FOXK2: variants seen among roughly 807,000 people sequenced by gnomAD.
The protein encoded by FOXK2 is forkhead box K2.
FOXK2 carries 24 observed loss-of-function variants against 53.3 expected under a neutral mutation model. That is an observed-to-expected ratio of 0.45 (90% confidence interval 0.33 to 0.63). The LOEUF (loss-of-function observed/expected upper bound fraction) is 0.63. Ranked by LOEUF, FOXK2 falls within the 30% of genes least tolerant of loss-of-function variation. The pLI, the probability that FOXK2 is intolerant of heterozygous loss-of-function variation, is 0.03. For missense variants in FOXK2, 952 were observed against 910.5 expected (o/e 1.05, Z -0.59); for synonymous variants, 505 against 407.1 (o/e 1.24, Z -2.89).
chr17:82,544,205 G>C (rs1351032090), intron 1 of FOXK2, among the ~76,000 whole-genome samples: 1 of 152,134 alleles, frequency 6.6e-6, no homozygotes, highest in African/African-American at 2.4e-5. Context: ...GAGCCACTGC[G>C]CCCGGCCAAG....
chr17:82,536,691 G>A (rs62078101), intron 1 of FOXK2, among the ~76,000 whole-genome samples: 1 of 152,168 alleles, frequency 6.6e-6, no homozygotes. Context: ...GCTCGAGGCC[G>A]AGGAGGTCTT....
rs1598246361 is a variant in FOXK2 at position 82,602,690 on chromosome 17, ACTC to A, written c.*1195_*1197del. 6.6e-6 allele frequency: 1 copy of A among 151,918 alleles called. No homozygotes were observed. Among genetic ancestry groups the A allele is most frequent in the Admixed American group, 6.6e-5 (1 of 15,244 alleles). The allele number at this position is 151,918 out of a possible 1,614,324, so 9.4% of individuals were successfully genotyped here. ...AGAACCGAACCCAATCCTGAGGCTG[ACTC>A]CTCTACGGAAAATGAGGACAGGACG... On this transcript the variant is annotated 3_prime_UTR_variant, in exon 9 of 9. Coordinates refer to ENST00000335255, the MANE Select transcript of FOXK2 (RefSeq NM_004514.4).
intron 1 of FOXK2, among the ~76,000 whole-genome samples, chr17:82,529,342 C>G (rs934340315): frequency 7.3e-5 from 11 of 150,300 alleles, no homozygotes; most frequent in Admixed American, 6.0e-4. Context: ...CCTGCCTCAG[C>G]CTCCTGAGTA....
intron 1 of FOXK2, among the ~76,000 whole-genome samples, chr17:82,545,679 T>C (rs1318146807): frequency 6.6e-6 from 1 of 151,744 alleles, no homozygotes; most frequent in Non-Finnish European, 1.5e-5. Context: ...CGTCCCAGGT[T>C]CAAGCGATTC....
chr17:82,530,844 T>G (rs1181601485), intron 1 of FOXK2, among the ~76,000 whole-genome samples: 6 of 152,174 alleles, frequency 3.9e-5, no homozygotes. Flanking sequence ...GTGGCTTTTT[T>G]GGTCTTGTAT....
At position 82,563,378 on chromosome 17, in the gene FOXK2, A is replaced by G; in HGVS notation, c.444A>G (p.Thr148=). The G allele has an allele frequency of 6.2e-7, 1 of 1,613,674 alleles. No homozygotes were observed. The highest frequency in any genetic ancestry group is 8.5e-7 in the Non-Finnish European group (1 of 1,179,876). Residue 148 remains threonine (T), a synonymous_variant, in exon 2 of 9, where the codon ACA becomes ACG. Transcript: ENST00000335255. ...GGTGCACATTCAGGTTCCCGAGCACAAACATCAAGATAACGTTCACTGCCC... is the reference window on the plus strand; with the variant it reads ...GGTGCACATTCAGGTTCCCGAGCACGAACATCAAGATAACGTTCACTGCCC... The part of the protein sequence containing the change: ...PRVCTFRFPS[T]NIKITFTALS...
rs1028536380 is a variant in FOXK2 at position 82,535,286 on chromosome 17, A to G, written c.419+14979A>G. 2.6e-5 allele frequency among the ~76,000 whole-genome samples: 4 copies of G among 152,168 alleles called. No homozygotes were observed. The South Asian group carries it at 6.2e-4, about 24-fold the overall frequency. ...CTTTTTTTGTCTTTTGGCTTTCAACACTGATTAAAATGTGTTTCATTTTGG... is the reference window on the plus strand; with the variant it reads ...CTTTTTTTGTCTTTTGGCTTTCAACGCTGATTAAAATGTGTTTCATTTTGG... On this transcript the variant is annotated intron_variant, in intron 1 of 8. Transcript: ENST00000335255.
rs545132802 is a variant in FOXK2, at chr17:82,524,726, G to A, written c.419+4419G>A. Reference sequence around the variant, plus strand: ...TTAGAGCCTCTGACTGACCTGAGGCGCAGGTGTTCCTGGGAGACTGGAGGG... The same window carrying A: ...TTAGAGCCTCTGACTGACCTGAGGCACAGGTGTTCCTGGGAGACTGGAGGG... On this transcript the variant is annotated intron_variant, in intron 1 of 8. Transcript: ENST00000335255. Among the ~76,000 whole-genome samples the A allele has an allele frequency of 2.2e-4, 34 of 152,322 alleles. No homozygotes were observed. The Middle Eastern group carries it at 0.014, about 61-fold the overall frequency.
At chr17:82,534,695 T>TG (rs2044504108) in intron 1 of FOXK2, among the ~76,000 whole-genome samples, 1 of 152,254 alleles carries the variant, frequency 6.6e-6, no homozygotes, top group African/African-American at 2.4e-5. Context: ...CTTTAGTGAC[T>TG]GGGTGCCTCA....
intron 1 of FOXK2, among the ~76,000 whole-genome samples, chr17:82,562,428 A>C (rs573910999): frequency 6.6e-6 from 1 of 152,156 alleles, no homozygotes; most frequent in Admixed American, 6.5e-5. Flanking sequence ...TAAAAATACG[A>C]AATTAGCCGG....
intron 1 of FOXK2, among the ~76,000 whole-genome samples, chr17:82,557,292 A>G (rs924583531): frequency 7.2e-5 from 11 of 151,910 alleles, no homozygotes; most frequent in African/African-American, 2.7e-4. Context: ...TCAGCCTCCC[A>G]AAGTGCTGGG....
At chr17:82,594,882 CA>C (rs1037468852) in intron 8 of FOXK2, among the ~76,000 whole-genome samples, 2 of 152,160 alleles carry the variant, frequency 1.3e-5, no homozygotes, top group South Asian at 4.1e-4. Flanking sequence ...TCTGTGTCTA[CA>C]AAAAATCACA....
At chr17:82,580,129 C>T (rs2045041476) in intron 4 of FOXK2, among the ~76,000 whole-genome samples, 1 of 134,118 alleles carries the variant, frequency 7.5e-6, no homozygotes, top group Admixed American at 7.3e-5. Context: ...GGGCCCAGAT[C>T]CCTCCCACAC....
intron 4 of FOXK2, among the ~76,000 whole-genome samples, chr17:82,572,282 G>C (rs2044926644): frequency 6.6e-6 from 1 of 152,124 alleles, no homozygotes; most frequent in East Asian, 1.9e-4. Flanking sequence ...CAGAAGTTTT[G>C]AAGTTTGCAG....
In FOXK2 at chr17:82,582,880, G is replaced by A; in HGVS notation, c.1049G>A (p.Arg350Gln). 1.2e-6 allele frequency: 2 copies of A among 1,613,204 alleles called. No individual in the cohort carries two copies. The highest frequency in any genetic ancestry group is 1.7e-6 in the Non-Finnish European group (2 of 1,179,876). The part of the protein sequence containing the change: ...SKLIEQAFRK[R>Q]RPRGVPCFRT... The stretch of plus-strand genomic sequence containing the variant: ...TTAATAGAACAGGCTTTTAGGAAAC[G>A]ACGGCCTAGGGGCGTGCCCTGCTTT... Residue 350 changes from arginine to glutamine, a missense_variant, in exon 5 of 9, where the codon CGA becomes CAA. Transcript: ENST00000335255.
intron 8 of FOXK2, chr17:82,595,796 A>AG: frequency 7.8e-7 from 1 of 1,289,558 alleles, no homozygotes; most frequent in Non-Finnish European, 1.0e-6. Context: ...CCTTGGCCTC[A>AG]GAAGGCCCCC....
intron 8 of FOXK2, chr17:82,593,523 G>GA: frequency 6.6e-6 from 1 of 152,452 alleles, no homozygotes; most frequent in Admixed American, 6.5e-5. Context: ...ATAGCCCCAC[G>GA]CCTGCAGGCC....
chr17:82,545,218 G>T (rs982623126), intron 1 of FOXK2, among the ~76,000 whole-genome samples: 10 of 152,156 alleles, frequency 6.6e-5, no homozygotes, highest in Admixed American at 2.0e-4. Context: ...TAGTGAAGAC[G>T]TGACGTCATC....
At chr17:82,592,628 C>A (rs1435539849) in intron 8 of FOXK2, among the ~76,000 whole-genome samples, 1 of 152,242 alleles carries the variant, frequency 6.6e-6, no homozygotes, top group Admixed American at 6.5e-5. Flanking sequence ...ATCGTTTGCT[C>A]CCTCCTGCCT....
Sources: allele counts gnomAD v4.1 joint callset (sites outside exome capture counted in the v4.1 genomes callset), GRCh38; gene constraint gnomAD v4.1.1; transcripts MANE v1.5; gene names NCBI Gene and HGNC (gene_info 2026-07-23, HGNC 2026-07-21).